Variants in GPC5 observed in about 807,000 individuals in gnomAD.
The protein encoded by GPC5 is glypican 5, also known as glypican-5.
GPC5 carries 47 observed loss-of-function variants against 53.9 expected under a neutral mutation model. That is an observed-to-expected ratio of 0.87 (90% CI 0.69 to 1.11). The LOEUF is 1.11. Among genes scored for constraint, GPC5 ranks in the 50% most tolerant of loss-of-function variants. The probability of loss-of-function intolerance (pLI) is 0.00; values close to 1 mark genes in which losing one functional copy is unlikely to be tolerated. For missense variants in GPC5, 748 were observed against 713.1 expected (o/e 1.05, Z -0.56); for synonymous variants, 286 against 263.3 (o/e 1.09, Z -0.84).
At position 91,693,842 on chromosome 13, in the gene GPC5, G is replaced by A. The variant is rs769589497; in HGVS notation, c.981G>A (p.Val327=). 2.5e-6 allele frequency: 4 copies of A among 1,608,220 alleles called. No homozygotes were observed. The highest frequency in any genetic ancestry group is 3.4e-6 in the Non-Finnish European group (4 of 1,177,862). The stretch of plus-strand genomic sequence containing the variant: ...TTCACTTGCTTGTTAATGATGCTGT[G>A]TTACAGGCTCACCTCAATGGACAAA... ...LNFHLLVNDA[V]LQAHLNGQKL... The change falls in exon 3 of 8, where the codon GTG becomes GTA. Residue 327 remains valine (V), a synonymous_variant. Coordinates refer to ENST00000377067, the MANE Select transcript of GPC5 (RefSeq NM_004466.6).
At chr13:91,982,788 T>C (rs1224520964) in intron 6 of GPC5, among the ~76,000 whole-genome samples, 1 of 152,200 alleles carries the variant, frequency 6.6e-6, no homozygotes, top group East Asian at 1.9e-4. Flanking sequence ...GTGGCTTTGA[T>C]AATTGACATC....
At chr13:91,514,921 A>G (rs11841240) in intron 2 of GPC5, among the ~76,000 whole-genome samples, 4,164 of 152,308 alleles carry the variant, frequency 0.027, 180 homozygotes, top group African/African-American at 0.092. Context: ...TCTAGAACTA[A>G]AGAATACTTT....
chr13:91,447,765 TCA>T, intron 1 of GPC5, among the ~76,000 whole-genome samples: 1 of 152,264 alleles, frequency 6.6e-6, no homozygotes, highest in Middle Eastern at 3.4e-3. Flanking sequence ...CCTGTGAAAC[TCA>T]CAGAGATTAA....
At chr13:92,064,761 A>AAAAAAAAAAAAAAAAAAAAAG (rs1555308139) in intron 6 of GPC5, among the ~76,000 whole-genome samples, 1 of 146,390 alleles carries the variant, frequency 6.8e-6, no homozygotes, top group Non-Finnish European at 1.5e-5. Flanking sequence ...CGTCTCAAAA[A>AAAAAAAAAAAAAAAAAAAAAG]AAAAAAACAA....
intron 6 of GPC5, among the ~76,000 whole-genome samples, chr13:92,131,054 T>C (rs1322621159): frequency 6.6e-6 from 1 of 152,086 alleles, no homozygotes; most frequent in African/African-American, 2.4e-5. Context: ...GAATAGGCAC[T>C]TTATTAGCAG....
intron 6 of GPC5, among the ~76,000 whole-genome samples, chr13:91,922,845 C>G (rs1390318388): frequency 6.6e-6 from 1 of 151,022 alleles, no homozygotes; most frequent in Non-Finnish European, 1.5e-5. Context: ...CCATATCTCA[C>G]AAACTTGTGT....
At chr13:92,697,492 A>T (rs1213582296) in intron 7 of GPC5, among the ~76,000 whole-genome samples, 1 of 150,136 alleles carries the variant, frequency 6.7e-6, no homozygotes, top group Admixed American at 6.6e-5. Context: ...TGACTTGGCT[A>T]TTTGTCTGCT....
intron 2 of GPC5, among the ~76,000 whole-genome samples, chr13:91,663,935 C>A (rs1048601347): frequency 6.6e-6 from 1 of 152,190 alleles, no homozygotes; most frequent in African/African-American, 2.4e-5. Context: ...CCTCAGCCTC[C>A]TGAGTATCTG....
At chr13:91,702,079 G>C (rs529269360) in intron 3 of GPC5, among the ~76,000 whole-genome samples, 174 of 152,032 alleles carry the variant, frequency 1.1e-3, no homozygotes, top group South Asian at 5.2e-3. Flanking sequence ...ACACCTCTTG[G>C]CCATTTGTAT....
intron 7 of GPC5, among the ~76,000 whole-genome samples, chr13:92,553,942 G>A (rs1362957788): frequency 1.3e-5 from 2 of 151,874 alleles, no homozygotes; most frequent in Admixed American, 1.3e-4. Flanking sequence ...CAACATGACT[G>A]ATTCCTTCTC....
At position 91,487,945 on chromosome 13, in the gene GPC5, C is replaced by T. The variant is rs189344794; in HGVS notation, c.325+39023C>T. 1.5e-3 allele frequency among the ~76,000 whole-genome samples: 184 copies of T among 122,830 alleles called. 2 individuals are homozygous for T. The highest frequency in any genetic ancestry group is 4.9e-4 in the East Asian group (2 of 4,102). 80.6% of individuals were successfully genotyped at this position (122,830 alleles called of 152,430 possible). A position where few individuals can be genotyped will look rare whatever the true frequency, so the allele number is the denominator to read the frequency against. ...TTTAAACAGGTTTTTTTTTTTTTTACGGGGATACTTACAATATGACTAAGG... is the reference window on the plus strand; with the variant it reads ...TTTAAACAGGTTTTTTTTTTTTTTATGGGGATACTTACAATATGACTAAGG... On this transcript the variant is annotated intron_variant, in intron 2 of 7. Transcript: ENST00000377067.
chr13:92,141,643 T>A (rs1369909716), intron 6 of GPC5, among the ~76,000 whole-genome samples: 1 of 152,262 alleles, frequency 6.6e-6, no homozygotes, highest in East Asian at 1.9e-4. Context: ...TTACTACACA[T>A]GTAGCAGCTC....
At chr13:92,749,265 A>C (rs1264907409) in intron 7 of GPC5, among the ~76,000 whole-genome samples, 2 of 152,152 alleles carry the variant, frequency 1.3e-5, no homozygotes, top group Non-Finnish European at 2.9e-5. Context: ...TTTAGCAATT[A>C]ATTGAGCCAT....
chr13:92,705,061 T>C (rs1021722959), intron 7 of GPC5, among the ~76,000 whole-genome samples: 11 of 151,936 alleles, frequency 7.2e-5, no homozygotes, highest in African/African-American at 2.7e-4. Flanking sequence ...ATTAATATTA[T>C]GGCAAAAAGT....
intron 3 of GPC5, among the ~76,000 whole-genome samples, chr13:91,703,410 T>C (rs1434329817): frequency 6.6e-6 from 1 of 152,150 alleles, no homozygotes; most frequent in African/African-American, 2.4e-5. Context: ...ATCAAATGCT[T>C]TTTTGTGTGT....
intron 7 of GPC5, among the ~76,000 whole-genome samples, chr13:92,268,638 T>A (rs1428797886): frequency 2.0e-5 from 3 of 152,004 alleles, no homozygotes; most frequent in Admixed American, 6.5e-5. Flanking sequence ...TTATTCCTGC[T>A]AGAACTTTTG....
At chr13:91,432,215 G>GCTGC (rs1390606752) in intron 1 of GPC5, among the ~76,000 whole-genome samples, 1 of 127,464 alleles carries the variant, frequency 7.8e-6, no homozygotes, top group African/African-American at 3.8e-5. Context: ...GTGTGTGTGT[G>GCTGC]TGTGTGTGTG....
At chr13:91,533,830 C>A (rs61585165) in intron 2 of GPC5, among the ~76,000 whole-genome samples, 4,142 of 152,140 alleles carry the variant, frequency 0.027, 176 homozygotes, top group African/African-American at 0.092. Context: ...TGATTTAGAG[C>A]CATCTACAAC....
intron 5 of GPC5, among the ~76,000 whole-genome samples, chr13:91,859,338 G>C (rs1376792490): frequency 6.6e-6 from 1 of 151,568 alleles, no homozygotes; most frequent in Admixed American, 6.6e-5. Flanking sequence ...TTGGTATGTT[G>C]TGTTTCCATT....
Sources: allele counts gnomAD v4.1 joint callset (sites outside exome capture counted in the v4.1 genomes callset), GRCh38; gene constraint gnomAD v4.1.1; transcripts MANE v1.5; gene names NCBI Gene and HGNC (gene_info 2026-07-23, HGNC 2026-07-21).